The following KIRREL3 variants were observed in gnomAD, a reference collection of about 807,000 sequenced individuals.
KIRREL3 encodes kin of IRRE-like protein 3.
Under a neutral mutation model 89.7 loss-of-function variants are expected in KIRREL3, and 36 were observed. The observed-to-expected ratio is 0.40, with a 90% CI of 0.31 to 0.53. The LOEUF is 0.53. Among genes scored for constraint, KIRREL3 ranks in the 20% least tolerant of loss-of-function variants. KIRREL3 has a pLI of 0.49. For synonymous variants in KIRREL3, 445 were observed against 441.4 expected (o/e 1.01, Z -0.10); for missense variants, 864 against 1,056.6 (o/e 0.82, Z 2.53).
chr11:126,633,245 G>A (rs1173218204), intron 1 of KIRREL3, among the ~76,000 whole-genome samples: 2 of 152,112 alleles, frequency 1.3e-5, no homozygotes, highest in South Asian at 2.1e-4. Context: ...GGTGAGGGGA[G>A]GGAATGTAGA....
Position 126,808,715 on chromosome 11 carries a change from A to G in KIRREL3, c.55+191740T>C, listed in dbSNP as rs563812129. 6.6e-6 allele frequency among the ~76,000 whole-genome samples: 1 copy of G among 152,310 alleles called. No homozygotes were observed. The highest frequency in any genetic ancestry group is 2.1e-4 in the South Asian group (1 of 4,818). On this transcript the variant is annotated intron_variant, in intron 1 of 16. Transcript: ENST00000525144. This position sits in a 1 kb window ranked among gnomAD's most constrained non-coding sequence, Gnocchi z 4.1. ...AGTTTTGTCATGCAAACGAAGAAAA[A>G]CAACTTGCTTTCCAATTTCCACATG... is the stretch of plus-strand genomic sequence containing the variant.
chr11:126,675,505 T>C (rs1023642139), intron 1 of KIRREL3, among the ~76,000 whole-genome samples: 5 of 152,220 alleles, frequency 3.3e-5, no homozygotes, highest in African/African-American at 9.6e-5. Context: ...TTTGTTATGA[T>C]AGGATTGAAA....
At position 126,476,186 on chromosome 11, in the gene KIRREL3, C is replaced by T. The variant is rs568572356; in HGVS notation, c.434-2720G>A. On this transcript the variant is annotated intron_variant, in intron 4 of 16. Transcript: ENST00000525144. The surrounding 1 kb of genome is among the most constrained non-coding windows in gnomAD (Gnocchi z 6.4). Reference sequence around the variant, plus strand: ...GGTTTGAAGCCTTGACTGCATGCTCCTCTGCAGAGGTTTTAAAACCTCACT... The same window carrying T: ...GGTTTGAAGCCTTGACTGCATGCTCTTCTGCAGAGGTTTTAAAACCTCACT... Among the ~76,000 whole-genome samples the T allele has an allele frequency of 6.6e-6, 1 of 152,332 alleles. No homozygotes were observed. Among genetic ancestry groups the T allele is most frequent in the Non-Finnish European group, 1.5e-5 (1 of 68,024 alleles).
chr11:126,960,734 A>G (rs573052164), intron 1 of KIRREL3, among the ~76,000 whole-genome samples: 4 of 150,942 alleles, frequency 2.7e-5, no homozygotes, highest in Non-Finnish European at 5.9e-5. Flanking sequence ...TTATCAATGT[A>G]TTTTTTTTTC....
chr11:126,509,006 T>A (rs1338022910), intron 4 of KIRREL3, among the ~76,000 whole-genome samples: 1 of 152,186 alleles, frequency 6.6e-6, no homozygotes, highest in Non-Finnish European at 1.5e-5. Context: ...GTGGGGCACA[T>A]GCAGGGTGCA....
intron 7 of KIRREL3, among the ~76,000 whole-genome samples, chr11:126,451,398 G>T (rs1956146886): frequency 6.7e-6 from 1 of 150,054 alleles, no homozygotes; most frequent in African/African-American, 2.4e-5. Context: ...GTGAACGTGT[G>T]CATGTGTGCA....
At chr11:126,733,438 G>T (rs114693303) in intron 1 of KIRREL3, among the ~76,000 whole-genome samples, 1,939 of 152,338 alleles carry the variant, frequency 0.013, 42 homozygotes, top group African/African-American at 0.044. Context: ...ATGCGCTGGG[G>T]AGATGAAACC....
At position 126,965,528 on chromosome 11, in the gene KIRREL3, G is replaced by A. The variant is rs1291800483; in HGVS notation, c.55+34927C>T. Among the ~76,000 whole-genome samples, 1 of 152,152 alleles carries A rather than the reference G, an allele frequency of 6.6e-6. No homozygotes were observed. The highest frequency in any genetic ancestry group is 2.4e-5 in the African/African-American group (1 of 41,434). Reference sequence around the variant, plus strand: ...GAAACCAGTATCCTGGAACCCTATTGTGAAAGACTAACACGTGCGTCATTG... The same window carrying A: ...GAAACCAGTATCCTGGAACCCTATTATGAAAGACTAACACGTGCGTCATTG... On this transcript the variant is annotated intron_variant, in intron 1 of 16. Transcript: ENST00000525144. This position sits in a 1 kb window ranked among gnomAD's most constrained non-coding sequence, Gnocchi z 4.4.
rs1369571591 is a variant in KIRREL3, at chr11:126,771,684, T to A, written c.56-208772A>T. On this transcript the variant is annotated intron_variant, in intron 1 of 16. Coordinates refer to ENST00000525144, the MANE Select transcript of KIRREL3 (RefSeq NM_032531.4). This position sits in a 1 kb window ranked among gnomAD's most constrained non-coding sequence, Gnocchi z 4.4. ...AGTTAATAAATATTTGCTGAATGAA[T>A]GACTGGCTTCTACTGGTGATAATGA... Among the ~76,000 whole-genome samples the A allele has an allele frequency of 6.6e-6, 1 of 152,238 alleles. No individual in the cohort carries two copies. The highest frequency in any genetic ancestry group is 1.5e-5 in the Non-Finnish European group (1 of 68,042).
intron 1 of KIRREL3, among the ~76,000 whole-genome samples, chr11:126,952,521 T>C (rs1003586749): frequency 6.6e-6 from 1 of 152,232 alleles, no homozygotes; most frequent in African/African-American, 2.4e-5. Context: ...TTTTCTCCCA[T>C]TTTTTAGGTT....
intron 1 of KIRREL3, among the ~76,000 whole-genome samples, chr11:126,716,760 GAA>G (rs1801430223): frequency 2.9e-5 from 4 of 136,872 alleles, no homozygotes; most frequent in African/African-American, 1.1e-4. Context: ...GGGGGGGGGG[GAA>G]GTGTGGGGGA....
At position 126,892,101 on chromosome 11, in the gene KIRREL3, C is replaced by T. The variant is rs1945947458; in HGVS notation, c.55+108354G>A. Among the ~76,000 whole-genome samples, 1 of 152,176 alleles carries T rather than the reference C, an allele frequency of 6.6e-6. No homozygotes were observed. Among genetic ancestry groups the T allele is most frequent in the Non-Finnish European group, 1.5e-5 (1 of 68,036 alleles). On this transcript the variant is annotated intron_variant, in intron 1 of 16. Transcript: ENST00000525144. The surrounding 1 kb of genome is among the most constrained non-coding windows in gnomAD (Gnocchi z 5.4). ...GTCTCTGTGCACCAGAGAGAGGCCACTTAGCCTCCCTTGGCCTCAATGGCT... is the reference window on the plus strand; with the variant it reads ...GTCTCTGTGCACCAGAGAGAGGCCATTTAGCCTCCCTTGGCCTCAATGGCT...
chr11:126,939,642 A>G (rs1479435846), intron 1 of KIRREL3, among the ~76,000 whole-genome samples: 1 of 152,176 alleles, frequency 6.6e-6, no homozygotes, highest in African/African-American at 2.4e-5. Flanking sequence ...GGAGGATCAC[A>G]CCGGTACCTT....
At position 126,557,589 on chromosome 11, in the gene KIRREL3, T is replaced by C. The variant is rs965705908; in HGVS notation, c.133+5246A>G. Among the ~76,000 whole-genome samples, 1 of 152,226 alleles carries C rather than the reference T, an allele frequency of 6.6e-6. No individual in the cohort carries two copies. On this transcript the variant is annotated intron_variant, in intron 2 of 16. Transcript: ENST00000525144. The surrounding 1 kb of genome is among the most constrained non-coding windows in gnomAD (Gnocchi z 5.6). ...TGCTCCTCCCACTACACATCCCAGC[T>C]GTGGGGCACCTCTCTTTCTATACGA...
rs1323327238 is a variant in KIRREL3 at position 126,891,069 on chromosome 11, AG to A, written c.55+109385del. On this transcript the variant is annotated intron_variant, in intron 1 of 16. Coordinates refer to ENST00000525144, the MANE Select transcript of KIRREL3 (RefSeq NM_032531.4). This position sits in a 1 kb window ranked among gnomAD's most constrained non-coding sequence, Gnocchi z 5.1. The stretch of plus-strand genomic sequence containing the variant: ...TCTTTGAGTTTGCCCTTAGATCTTC[AG>A]CCTGCCAAAGAGGTGGGCTTTTGAA... Among the ~76,000 whole-genome samples the A allele has an allele frequency of 6.6e-6, 1 of 152,188 alleles. No homozygotes were observed. Among genetic ancestry groups the A allele is most frequent in the Non-Finnish European group, 1.5e-5 (1 of 68,032 alleles).
chr11:126,980,698 G>T (rs1949697285), intron 1 of KIRREL3, among the ~76,000 whole-genome samples: 1 of 152,060 alleles, frequency 6.6e-6, no homozygotes, highest in Non-Finnish European at 1.5e-5. Context: ...ATGAGAAAGA[G>T]GCTGGTGACT....
intron 1 of KIRREL3, among the ~76,000 whole-genome samples, chr11:126,600,921 G>C (rs1955486807): frequency 6.6e-6 from 1 of 152,070 alleles, no homozygotes; most frequent in Admixed American, 6.5e-5. Context: ...CCATATCAGA[G>C]CATTCTATTT....
chr11:126,678,096 C>T (rs1946280765), intron 1 of KIRREL3, among the ~76,000 whole-genome samples: 1 of 152,166 alleles, frequency 6.6e-6, no homozygotes, highest in Admixed American at 6.5e-5. Flanking sequence ...ATGAAGCATG[C>T]AGGAAACCAC....
intron 1 of KIRREL3, among the ~76,000 whole-genome samples, chr11:126,712,821 C>T (rs1253742408): frequency 2.6e-5 from 4 of 152,212 alleles, no homozygotes; most frequent in Non-Finnish European, 5.9e-5. Flanking sequence ...GAAAAATGGT[C>T]CAGAGGCCAT....
Sources: gnomAD v4.1 joint callset for allele counts (sites outside exome capture counted in the v4.1 genomes callset) on GRCh38, gnomAD v4.1.1 for gene constraint, Gnocchi (gnomAD v3.1) non-coding constraint, MANE v1.5 for transcripts, NCBI Gene and HGNC (gene_info 2026-07-23, HGNC 2026-07-21) for gene names.